Variants in JAG1 observed in about 807,000 individuals in gnomAD.
The protein encoded by JAG1 is protein jagged-1.
Under a neutral mutation model 148.7 loss-of-function variants are expected in JAG1, and 23 were observed. The ratio of observed to expected loss-of-function variants is 0.15; its 90% CI spans 0.11 to 0.22. JAG1 has a LOEUF of 0.22. Ranked by LOEUF, JAG1 falls within the 10% of genes least tolerant of loss-of-function variation. The pLI, the probability that JAG1 is intolerant of heterozygous loss-of-function variation, is 1.00. For missense variants in JAG1, 1,054 were observed against 1,611.2 expected (o/e 0.65, Z 5.92); for synonymous variants, 572 against 598.3 (o/e 0.96, Z 0.64).
chr20:10,664,027 C>T lies in JAG1; in HGVS notation c.388-13G>A, dbSNP rs1445257289. The T allele has an allele frequency of 1.2e-6, 2 of 1,612,682 alleles. No individual in the cohort carries two copies. The highest frequency in any genetic ancestry group is 1.7e-5 in the Admixed American group (1 of 60,024). On this transcript the variant is annotated splice_polypyrimidine_tract_variant and intron_variant, in intron 2 of 25. Transcript: ENST00000254958. Reference sequence around the variant, plus strand: ...ACGTATAGGACCTCTGCAAGACAAACAAACAATTTAGCAATTCAGAAACAG... The same window carrying T: ...ACGTATAGGACCTCTGCAAGACAAATAAACAATTTAGCAATTCAGAAACAG...
rs2067514255 is a variant in JAG1 at position 10,673,573 on chromosome 20, TG to T, written c.-44del. On this transcript the variant is annotated 5_prime_UTR_variant, in exon 1 of 26. Coordinates refer to ENST00000254958, the MANE Select transcript of JAG1 (RefSeq NM_000214.3). The surrounding 1 kb of genome is among the most constrained non-coding windows in gnomAD (Gnocchi z 4.7). ...CGGGCACTCGGGACGCCGCCGCTGC[TG>T]TTCGCGCTGGTGCTGCCGCCGGTGC... 2 of 1,147,098 alleles carry T rather than the reference TG, an allele frequency of 1.7e-6. No homozygotes were observed. The highest frequency in any genetic ancestry group is 7.0e-5 in the East Asian group (2 of 28,522). The allele number at this position is 1,147,098 out of a possible 1,614,324, so 71.1% of individuals were successfully genotyped here. A position where few individuals can be genotyped will look rare whatever the true frequency, so the allele number is the denominator to read the frequency against.
chr20:10,651,996 G>A (rs2067349893), intron 7 of JAG1, 135 bp downstream of exon 7: 1 of 1,027,368 alleles, frequency 9.7e-7, no homozygotes. Flanking sequence ...AAGGCTTATA[G>A]AATGGTTGGG....
intron 3 of JAG1, among the ~76,000 whole-genome samples, chr20:10,661,973 A>G (rs774615266): frequency 7.2e-5 from 11 of 152,212 alleles, no homozygotes; most frequent in Non-Finnish European, 1.6e-4. Context: ...TATCGGTGCC[A>G]GACACCCAGA....
intron 12 of JAG1, 150 bp from the exon 13 acceptor site, chr20:10,648,260 G>T: frequency 1.0e-6 from 1 of 986,458 alleles, no homozygotes. Flanking sequence ...CTATGCTGTA[G>T]GGACTGCCAA....
rs2067304501 is a variant in JAG1 at position 10,645,747 on chromosome 20, TAC to T, written c.1999+222_1999+223del. 3 of 618,618 alleles carry T rather than the reference TAC, an allele frequency of 4.8e-6. No homozygotes were observed. Among genetic ancestry groups the T allele is most frequent in the African/African-American group, 1.8e-5 (1 of 54,348 alleles). The allele number at this position is 618,618 out of a possible 1,614,324, so 38.3% of individuals were successfully genotyped here. ...TTTCCTTGCAAGCAGGAATATTTAT[TAC>T]ACAGTCTAATTCTATAGGTCCTCAG... On this transcript the variant is annotated intron_variant, in intron 15 of 25. Coordinates refer to ENST00000254958, the MANE Select transcript of JAG1 (RefSeq NM_000214.3). The surrounding 1 kb of genome is among the most constrained non-coding windows in gnomAD (Gnocchi z 6.1).
intron 2 of JAG1, among the ~76,000 whole-genome samples, chr20:10,665,378 G>T (rs2067446763): frequency 6.6e-6 from 1 of 152,156 alleles, no homozygotes; most frequent in Non-Finnish European, 1.5e-5. Flanking sequence ...GATAACTGTG[G>T]GAAAATGCTC....
intron 3 of JAG1, among the ~76,000 whole-genome samples, chr20:10,663,504 G>A (rs192832544): frequency 3.9e-5 from 6 of 152,300 alleles, no homozygotes; most frequent in Middle Eastern, 3.4e-3. Flanking sequence ...TGGGAAACCC[G>A]GAGAGACTAG....
Position 10,649,053 on chromosome 20 carries a change from T to C in JAG1, c.1395+8A>G. On this transcript the variant is annotated splice_region_variant and intron_variant, in intron 11 of 25. Coordinates refer to ENST00000254958, the MANE Select transcript of JAG1 (RefSeq NM_000214.3). ...TCAAAGTTTTGATTTAAGCAAAGAT[T>C]TACATACCCGACAGGAGGCGTCATT... 1 of 1,604,638 alleles carries C rather than the reference T, an allele frequency of 6.2e-7. No individual in the cohort carries two copies. The highest frequency in any genetic ancestry group is 8.5e-7 in the Non-Finnish European group (1 of 1,171,354).
chr20:10,647,182 C>T, intron 13 of JAG1, 79 bp from the exon 14 acceptor site: 1 of 1,562,458 alleles, frequency 6.4e-7, no homozygotes, highest in East Asian at 2.2e-5. Context: ...CTGGGCCAAG[C>T]CCACTTTCCT....
At chr20:10,661,911 G>A (rs1320723783) in intron 3 of JAG1, among the ~76,000 whole-genome samples, 1 of 152,166 alleles carries the variant, frequency 6.6e-6, no homozygotes, top group Non-Finnish European at 1.5e-5. Context: ...AACAGAGAGG[G>A]GGTACACAGA....
chr20:10,647,890 G>A, intron 13 of JAG1, 70 bp downstream of exon 13: 1 of 1,496,212 alleles, frequency 6.7e-7, no homozygotes, highest in Non-Finnish European at 9.3e-7. Flanking sequence ...TGTAACAAGG[G>A]GCAGTGGTAG....
rs1436972811 is a variant in JAG1 at position 10,639,131 on chromosome 20, G to C, written c.*367C>G. ...AAACCAATATACAAAAACAACTCAA[G>C]AGTCAATAAATATAAATAAAACTAT... is the stretch of plus-strand genomic sequence containing the variant. On this transcript the variant is annotated 3_prime_UTR_variant, in exon 26 of 26. Coordinates refer to ENST00000254958, the MANE Select transcript of JAG1 (RefSeq NM_000214.3). 1.1e-5 allele frequency: 3 copies of C among 284,850 alleles called. No individual in the cohort carries two copies. In the East Asian group the frequency reaches 2.3e-4, roughly 22 times the overall value. 17.6% of individuals were successfully genotyped at this position (284,850 alleles called of 1,614,324 possible). A position where few individuals can be genotyped will look rare whatever the true frequency, so the allele number is the denominator to read the frequency against.
intron 2 of JAG1, among the ~76,000 whole-genome samples, chr20:10,669,584 A>T (rs112599478): frequency 1.4e-5 from 2 of 139,492 alleles, no homozygotes; most frequent in African/African-American, 5.4e-5. Context: ...AAAAAAAAAA[A>T]AAAAGTTGAT....
At chr20:10,658,830 T>C (rs992090811) in intron 3 of JAG1, 108 bp from the exon 4 acceptor site, 1 of 1,271,692 alleles carries the variant, frequency 7.9e-7, no homozygotes, top group Non-Finnish European at 1.1e-6. Flanking sequence ...AAATTCTATC[T>C]GTTGTAAAAA....
At position 10,640,892 on chromosome 20, in the gene JAG1, T is replaced by A; in HGVS notation, c.3090A>T (p.Glu1030Asp). The A allele has an allele frequency of 6.2e-7, 1 of 1,614,160 alleles. No homozygotes were observed. Among genetic ancestry groups the A allele is most frequent in the South Asian group, 1.1e-5 (1 of 91,088 alleles). ...CAAGATCGATTATTTTGTCAGTGAT[T>A]TCCTTGATCGGGTTCCCATCATCCC... ...DIRDDGNPIKEITDKIIDLVS... is the reference protein window; with the variant it reads ...DIRDDGNPIKDITDKIIDLVS... Residue 1030 changes from glutamate (E) to aspartate (D), a missense_variant, in exon 25 of 26, where the codon GAA becomes GAT. Glu to Asp is a conservative substitution (Grantham distance 45). Around this residue, in one of 6 missense-constraint regions of JAG1, gnomAD observed 342 missense variants for 514.6 expected, o/e 0.66. Transcript: ENST00000254958.
At position 10,638,299 on chromosome 20, in the gene JAG1, AAAATC is replaced by A. The variant is rs1288979429; in HGVS notation, c.*1194_*1198del. The A allele has an allele frequency of 6.6e-6, 1 of 152,664 alleles. No individual in the cohort carries two copies. Among genetic ancestry groups the A allele is most frequent in the East Asian group, 1.9e-4 (1 of 5,200 alleles). The allele number at this position is 152,664 out of a possible 1,614,324, so 9.5% of individuals were successfully genotyped here. On this transcript the variant is annotated 3_prime_UTR_variant, in exon 26 of 26. Coordinates refer to ENST00000254958, the MANE Select transcript of JAG1 (RefSeq NM_000214.3). ...CCCTAAATGCAGTAGATTAAAAAAA[AAAATC>A]AAATCTACAAGTGGTTCAGTATTAT... is the stretch of plus-strand genomic sequence containing the variant.
chr20:10,657,492 A>T (rs963461655), intron 4 of JAG1, among the ~76,000 whole-genome samples: 1 of 152,128 alleles, frequency 6.6e-6, no homozygotes, highest in African/African-American at 2.4e-5. Context: ...CTTCTCTCCA[A>T]TTATTTAAGA....
chr20:10,651,374 G>C, intron 8 of JAG1: 1 of 560,052 alleles, frequency 1.8e-6, no homozygotes, highest in Non-Finnish European at 3.2e-6. Context: ...TCCAAGAACA[G>C]ATACATGCGC....
chr20:10,641,405 AAAGC>A, intron 23 of JAG1, 51 bp downstream of exon 23: 1 of 1,546,906 alleles, frequency 6.5e-7, no homozygotes, highest in Non-Finnish European at 8.9e-7. Context: ...TTCCTCCTTT[AAAGC>A]AAGCAAGCAG....
Sources: allele counts gnomAD v4.1 joint callset (sites outside exome capture counted in the v4.1 genomes callset), GRCh38; gene constraint gnomAD v4.1.1; regional missense constraint gnomAD v4.1.1; non-coding constraint Gnocchi (gnomAD v3.1); transcripts MANE v1.5; gene names NCBI Gene and HGNC (gene_info 2026-07-23, HGNC 2026-07-21).